The following HMGCL variants were observed in gnomAD, a reference collection of about 807,000 sequenced individuals.
The protein encoded by HMGCL is hydroxymethylglutaryl-CoA lyase, mitochondrial.
A neutral mutation model predicts 37.3 loss-of-function variants in HMGCL; 26 were observed. The observed-to-expected ratio is 0.70, with a 90% confidence interval of 0.51 to 0.97. The LOEUF (loss-of-function observed/expected upper bound fraction) is 0.97. Ranked by LOEUF, HMGCL falls within the 50% of genes least tolerant of loss-of-function variation. HMGCL has a pLI of 0.00. For synonymous variants in HMGCL, 151 were observed against 148.0 expected, an observed-to-expected ratio of 1.02 and a Z score of -0.15; for missense variants, 379 against 398.1, an observed-to-expected ratio of 0.95 and a Z score of 0.41.
intron 5 of HMGCL, 41 bp from the exon 6 acceptor site, chr1:23,810,840 C>T (rs780551121): frequency 6.4e-7 from 1 of 1,563,590 alleles, no homozygotes; most frequent in Non-Finnish European, 8.8e-7. Flanking sequence ...GTGTCCTGAG[C>T]TTTTTGGCTA....
chr1:23,813,490 A>G (rs1638559382), intron 5 of HMGCL, among the ~76,000 whole-genome samples: 1 of 150,120 alleles, frequency 6.7e-6, no homozygotes, highest in Non-Finnish European at 1.5e-5. Context: ...CTGGTCTTGA[A>G]CTCTTGACCT....
chr1:23,806,829 G>T lies in HMGCL; in HGVS notation c.750+1306C>A. Reference sequence around the variant, plus strand: ...TTAGGTTTTAATAGGTGAATAAATGGTCTTACAATGTGCTATTTACACGCC... The same window carrying T: ...TTAGGTTTTAATAGGTGAATAAATGTTCTTACAATGTGCTATTTACACGCC... On this transcript the variant is annotated intron_variant, in intron 7 of 8. Coordinates refer to ENST00000374490, the MANE Select transcript of HMGCL (RefSeq NM_000191.3). This position sits in a 1 kb window ranked among gnomAD's most constrained non-coding sequence, Gnocchi z 4.0. 1 of 397,278 alleles carries T rather than the reference G, an allele frequency of 2.5e-6. No homozygotes were observed. Among genetic ancestry groups the T allele is most frequent in the Non-Finnish European group, 5.0e-6 (1 of 199,492 alleles). 24.6% of individuals were successfully genotyped at this position (397,278 alleles called of 1,614,324 possible). A position where few individuals can be genotyped will look rare whatever the true frequency, so the allele number is the denominator to read the frequency against.
intron 1 of HMGCL, 109 bp downstream of exon 1, chr1:23,825,245 TGA>T: frequency 2.3e-6 from 2 of 874,886 alleles, no homozygotes; most frequent in Non-Finnish European, 3.7e-6. Context: ...GACTCTGGCC[TGA>T]GAGCTGTCCG....
rs776301040 is a variant in HMGCL at position 23,814,440 on chromosome 1, G to A, written c.349-102C>T. 92 of 1,318,778 alleles carry A rather than the reference G, an allele frequency of 7.0e-5. No homozygotes were observed. The South Asian group carries it at 7.8e-4, about 11-fold the overall frequency. 81.7% of individuals were successfully genotyped at this position (1,318,778 alleles called of 1,614,324 possible). A position where few individuals can be genotyped will look rare whatever the true frequency, so the allele number is the denominator to read the frequency against. ...GGCTGGAGTGCAGTGGCATGATCTC[G>A]GCTCACTGCAACCTCCACCTCCTGG... On this transcript the variant is annotated intron_variant, in intron 4 of 8. Transcript: ENST00000374490.
chr1:23,816,341 G>C (rs1177924779), intron 4 of HMGCL: 2 of 364,724 alleles, frequency 5.5e-6, no homozygotes, highest in Admixed American at 3.8e-5. Context: ...GGAGAGTTTG[G>C]TTACATTTCT....
In HMGCL at chr1:23,805,445, T is replaced by C. The variant is rs894226000; in HGVS notation, c.751-920A>G. 3.3e-5 allele frequency among the ~76,000 whole-genome samples: 5 copies of C among 152,348 alleles called. No homozygotes were observed. The East Asian group carries it at 7.7e-4, about 23-fold the overall frequency. Reference sequence around the variant, plus strand: ...CATCTACCATTCTCATTTGAACCCATTCGAAACAGGTTTGCGTCCCCACAA... The same window carrying C: ...CATCTACCATTCTCATTTGAACCCACTCGAAACAGGTTTGCGTCCCCACAA... On this transcript the variant is annotated intron_variant, in intron 7 of 8. Transcript: ENST00000374490.
chr1:23,810,771 A>C lies in HMGCL; in HGVS notation c.526T>G (p.Tyr176Asp). ...TTAGCTGGGGAGATCTTCCCTTCAT[A>C]AGGGCAGCCAAGAGCACAGGAGACG... The part of the protein sequence containing the change: ...GYVSCALGCP[Y>D]EGKISPAKVA... Residue 176 changes from tyrosine to aspartate, a missense_variant, in exon 6 of 9, where the codon TAT (tyrosine) becomes GAT (aspartate). By Grantham distance (160) the Tyr-to-Asp change is radical. Coordinates refer to ENST00000374490, the MANE Select transcript of HMGCL (RefSeq NM_000191.3). 6.2e-7 allele frequency: 1 copy of C among 1,614,020 alleles called. No homozygotes were observed. Among genetic ancestry groups the C allele is most frequent in the Non-Finnish European group, 8.5e-7 (1 of 1,179,938 alleles).
In HMGCL at chr1:23,806,956, C is replaced by T. The variant is rs1189841772; in HGVS notation, c.750+1179G>A. The T allele has an allele frequency of 1.9e-6, 1 of 518,832 alleles. No homozygotes were observed. The highest frequency in any genetic ancestry group is 1.4e-5 in the South Asian group (1 of 71,594). 32.1% of individuals were successfully genotyped at this position (518,832 alleles called of 1,614,324 possible). A position where few individuals can be genotyped will look rare whatever the true frequency, so the allele number is the denominator to read the frequency against. Reference sequence around the variant, plus strand: ...GTCTAAGTCAGCACTTAACCTGGCACATCGATCCATATTTCCGAAGTAACT... The same window carrying T: ...GTCTAAGTCAGCACTTAACCTGGCATATCGATCCATATTTCCGAAGTAACT... On this transcript the variant is annotated intron_variant, in intron 7 of 8. Coordinates refer to ENST00000374490, the MANE Select transcript of HMGCL (RefSeq NM_000191.3). This position sits in a 1 kb window ranked among gnomAD's most constrained non-coding sequence, Gnocchi z 4.0.
intron 4 of HMGCL, among the ~76,000 whole-genome samples, chr1:23,814,955 C>T (rs1413134214): frequency 1.3e-5 from 2 of 152,166 alleles, no homozygotes; most frequent in East Asian, 1.9e-4. Flanking sequence ...CGCTTGTAAT[C>T]ACAGCACTTT....
chr1:23,804,741 T>C (rs188203019), intron 7 of HMGCL, among the ~76,000 whole-genome samples: 1 of 152,306 alleles, frequency 6.6e-6, no homozygotes, highest in African/African-American at 2.4e-5. Flanking sequence ...GTATCTTTCC[T>C]TTCATGGTGA....
At position 23,817,195 on chromosome 1, in the gene HMGCL, A is replaced by G. The variant is rs545216844; in HGVS notation, c.252+281T>C. Among the ~76,000 whole-genome samples, 4 of 152,334 alleles carry G rather than the reference A, an allele frequency of 2.6e-5. No individual in the cohort carries two copies. The South Asian group carries it at 8.3e-4, about 32-fold the overall frequency. ...AAACAAAGAAACCACAGACAGGCATAGAGGGTTTTAGACTTTAGGGCTAGA... is the reference window on the plus strand; with the variant it reads ...AAACAAAGAAACCACAGACAGGCATGGAGGGTTTTAGACTTTAGGGCTAGA... On this transcript the variant is annotated intron_variant, in intron 3 of 8. Coordinates refer to ENST00000374490, the MANE Select transcript of HMGCL (RefSeq NM_000191.3).
Position 23,802,521 on chromosome 1 carries a change from C to G in HMGCL, c.920G>C (p.Cys307Ser). ...GCTAGTTTTTCTGTTCAGGGCTTGA[C>G]AGATAAAGTTTCCAGCTTCCAGAAG... ...QKLLEAGNFI[C>S]QALNRKTSSK... The change falls in exon 9 of 9, where the codon TGT (cysteine) becomes TCT (serine). Residue 307 changes from cysteine to serine, a missense_variant. Physicochemically the swap from Cys to Ser is moderately radical, Grantham distance 112. Transcript: ENST00000374490. The G allele has an allele frequency of 6.2e-7, 1 of 1,614,154 alleles. No individual in the cohort carries two copies. Among genetic ancestry groups the G allele is most frequent in the East Asian group, 2.2e-5 (1 of 44,896 alleles).
chr1:23,802,589 C>G, intron 8 of HMGCL, 25 bp from the exon 9 acceptor site: 1 of 1,476,426 alleles, frequency 6.8e-7, no homozygotes, highest in Non-Finnish European at 9.5e-7. Context: ...TTAGAGGATG[C>G]GGTAAGTCAT....
intron 5 of HMGCL, among the ~76,000 whole-genome samples, chr1:23,812,750 T>C (rs1638541211): frequency 6.6e-6 from 1 of 152,198 alleles, no homozygotes; most frequent in African/African-American, 2.4e-5. Flanking sequence ...AGAAGGGAAC[T>C]TGAACGGTAC....
Position 23,816,686 on chromosome 1 carries a change from A to G in HMGCL, c.337T>C (p.Phe113Leu). 6.2e-7 allele frequency: 1 copy of G among 1,607,016 alleles called. No homozygotes were observed. The highest frequency in any genetic ancestry group is 8.5e-7 in the Non-Finnish European group (1 of 1,173,500). The change falls in exon 4 of 9, where the codon TTC becomes CTC. Residue 113 changes from phenylalanine to leucine, a missense_variant. Phe to Leu is a conservative substitution (Grantham distance 22). Coordinates refer to ENST00000374490, the MANE Select transcript of HMGCL (RefSeq NM_000191.3). ...YPVLTPNLKGFEAAVAAGAKE... is the reference protein window; with the variant it reads ...YPVLTPNLKGLEAAVAAGAKE... ...AGCTATCCTCTTACCGCTGCCTCGA[A>G]GCCTTTCAAATTTGGGGTCAGGACT... is the stretch of plus-strand genomic sequence containing the variant.
At position 23,806,645 on chromosome 1, in the gene HMGCL, C is replaced by T. The variant is rs1364587548; in HGVS notation, c.750+1490G>A. 3 of 287,204 alleles carry T rather than the reference C, an allele frequency of 1.0e-5. No individual in the cohort carries two copies. Among genetic ancestry groups the T allele is most frequent in the Non-Finnish European group, 2.1e-5 (3 of 145,822 alleles). 17.8% of individuals were successfully genotyped at this position (287,204 alleles called of 1,614,324 possible). On this transcript the variant is annotated intron_variant, in intron 7 of 8. Coordinates refer to ENST00000374490, the MANE Select transcript of HMGCL (RefSeq NM_000191.3). This position sits in a 1 kb window ranked among gnomAD's most constrained non-coding sequence, Gnocchi z 4.0. The stretch of plus-strand genomic sequence containing the variant: ...TGCCTTAACCTGCTTCATTTTTTCT[C>T]CACAGTGTTTATGAACACCTGGCCT...
At chr1:23,819,457 A>T (rs1638672331) in intron 2 of HMGCL, among the ~76,000 whole-genome samples, 1 of 152,180 alleles carries the variant, frequency 6.6e-6, no homozygotes, top group South Asian at 2.1e-4. Context: ...GGCCAGGCGC[A>T]TTGGCTCATG....
rs1421373038 is a variant in HMGCL, at chr1:23,820,548, C to A, written c.106G>T (p.Val36Leu). The stretch of plus-strand genomic sequence containing the variant: ...AGTCCATCTCGGGGACCAACTTCCA[C>A]AATTTTCACCCGCTTTGGTAAAGTG... ...MGTLPKRVKI[V>L]EVGPRDGLQN... Residue 36 changes from valine to leucine, a missense_variant, in exon 2 of 9, where the codon GTG (valine) becomes TTG (leucine). Physicochemically the swap from Val to Leu is conservative, Grantham distance 32 (BLOSUM62 1). Transcript: ENST00000374490. 2 of 1,614,024 alleles carry A rather than the reference C, an allele frequency of 1.2e-6. No homozygotes were observed. Among genetic ancestry groups the A allele is most frequent in the African/African-American group, 1.3e-5 (1 of 74,926 alleles).
At chr1:23,823,933 GTGA>G (rs1340522780) in intron 1 of HMGCL, among the ~76,000 whole-genome samples, 1 of 102,956 alleles carries the variant, frequency 9.7e-6, no homozygotes, top group East Asian at 2.6e-4. Context: ...TCTTCCCGAG[GTGA>G]CATGGGGAGT....
Sources: gnomAD v4.1 joint callset for allele counts (sites outside exome capture counted in the v4.1 genomes callset) on GRCh38, gnomAD v4.1.1 for gene constraint, Gnocchi (gnomAD v3.1) non-coding constraint, MANE v1.5 for transcripts, NCBI Gene and HGNC (gene_info 2026-07-23, HGNC 2026-07-21) for gene names.